ZNF124: variants seen among roughly 807,000 people sequenced by gnomAD.
The protein encoded by ZNF124 is zinc finger protein HZF-16.
In ZNF124, 25 loss-of-function variants were observed where a neutral mutation model predicts 26.6. The observed-to-expected ratio is 0.94, with a 90% CI of 0.68 to 1.31. The LOEUF is 1.31. Ranked by LOEUF, ZNF124 falls within the 40% of genes most tolerant of loss-of-function variation. The pLI, the probability that ZNF124 is intolerant of heterozygous loss-of-function variation, is 0.00. For synonymous variants in ZNF124, 129 were observed against 133.3 expected, an observed-to-expected ratio of 0.97 and a Z score of 0.22; for missense variants, 444 against 422.2, an observed-to-expected ratio of 1.05 and a Z score of -0.45.
intron 3 of ZNF124, among the ~76,000 whole-genome samples, chr1:247,146,336 A>G (rs1429588537): frequency 6.6e-6 from 1 of 152,214 alleles, no homozygotes; most frequent in Non-Finnish European, 1.5e-5. Flanking sequence ...ATTTCCTTCT[A>G]GAATACATTA....
Position 247,157,005 on chromosome 1 carries a change from T to C in ZNF124, c.617A>G (p.Tyr206Cys), listed in dbSNP as rs1257797611. The C allele has an allele frequency of 3.1e-6, 5 of 1,613,946 alleles. No individual in the cohort carries two copies. Among genetic ancestry groups the C allele is most frequent in the East Asian group, 2.2e-5 (1 of 44,892 alleles). ...GGCTTTCCCACAGTGCTTACATTCA[T>C]AGGGTTTCTCTCCAGTATGAGTTCT... ...HERTHTGEKP[Y>C]ECKHCGKAFR... Residue 206 changes from tyrosine (Y) to cysteine (C), a missense_variant, in exon 4 of 4, where the codon TAT becomes TGT. By Grantham distance (194) the Tyr-to-Cys change is radical. Transcript: ENST00000543802.
At chr1:247,127,516 A>G (rs567179187) in intron 3 of ZNF124, among the ~76,000 whole-genome samples, 35 of 123,650 alleles carry the variant, frequency 2.8e-4, no homozygotes, top group African/African-American at 9.9e-4. Context: ...GAAGAAGTAA[A>G]AACTAAAAGG....
In ZNF124 at chr1:247,157,129, G is replaced by A. The variant is rs762026758; in HGVS notation, c.493C>T (p.Leu165Phe). ...GTGTGAATCCTTTTATGTCTATTAAGAGAACGGGAAAAACCTAAGGCTTTC... is the reference window on the plus strand; with the variant it reads ...GTGTGAATCCTTTTATGTCTATTAAAAGAACGGGAAAAACCTAAGGCTTTC... ...CGKALGFSRSLNRHKRIHTGE... is the reference protein window; with the variant it reads ...CGKALGFSRSFNRHKRIHTGE... Residue 165 changes from leucine to phenylalanine, a missense_variant, in exon 4 of 4, where the codon CTT becomes TTT. Coordinates refer to ENST00000543802, the MANE Select transcript of ZNF124 (RefSeq NM_001297568.2). 5 of 1,613,948 alleles carry A rather than the reference G, an allele frequency of 3.1e-6. No individual in the cohort carries two copies. In the East Asian group the frequency reaches 8.9e-5, roughly 29 times the overall value.
rs556363802 is a variant in ZNF124 at position 247,147,260 on chromosome 1, TC to T, written c.218+11745del. On this transcript the variant is annotated intron_variant, in intron 3 of 3. Transcript: ENST00000472531. The stretch of plus-strand genomic sequence containing the variant: ...TTTTTTTTTTGAGTCGGGGTCTTGC[TC>T]TGTTGCCCAGGCTGGAGTCCAGTGG... Among the ~76,000 whole-genome samples, 1,364 of 149,834 alleles carry T rather than the reference TC, an allele frequency of 9.1e-3. 16 individuals are homozygous for T. Among genetic ancestry groups the T allele is most frequent in the Non-Finnish European group, 0.013 (909 of 67,580 alleles).
chr1:247,126,297 G>T (rs2103097599), intron 3 of ZNF124, among the ~76,000 whole-genome samples: 1 of 112,348 alleles, frequency 8.9e-6, no homozygotes, highest in East Asian at 2.4e-4. Flanking sequence ...ACACGCGCGG[G>T]AGCTGTCACC....
At chr1:247,132,751 C>A (rs757080246) in intron 3 of ZNF124, among the ~76,000 whole-genome samples, 1 of 152,208 alleles carries the variant, frequency 6.6e-6, no homozygotes, top group African/African-American at 2.4e-5. Flanking sequence ...TAGAAAAGCA[C>A]TGTGAAAATC....
At chr1:247,134,713 G>T (rs1054481711) in intron 3 of ZNF124, among the ~76,000 whole-genome samples, 4 of 152,124 alleles carry the variant, frequency 2.6e-5, no homozygotes, top group African/African-American at 4.8e-5. Flanking sequence ...AATTAGCAAG[G>T]ATATCCAGGA....
intron 1 of ZNF124, among the ~76,000 whole-genome samples, chr1:247,161,605 TAAAAG>T (rs553790421): frequency 6.4e-4 from 97 of 150,810 alleles, no homozygotes; most frequent in African/African-American, 2.2e-3. Flanking sequence ...ACATGCAATA[TAAAAG>T]AAATTAGTGT....
rs1673075265 is a variant in ZNF124, at chr1:247,155,512, TAAAAA to T, written c.*1049_*1053del. Among the ~76,000 whole-genome samples, 1 of 152,150 alleles carries T rather than the reference TAAAAA, an allele frequency of 6.6e-6. No homozygotes were observed. Among genetic ancestry groups the T allele is most frequent in the Admixed American group, 6.5e-5 (1 of 15,278 alleles). On this transcript the variant is annotated 3_prime_UTR_variant, in exon 4 of 4. Transcript: ENST00000543802. Reference sequence around the variant, plus strand: ...GAAAAAGGAAATTTATTTACCAGCTTAAAAAAGAAGAATACATATTTAACTCTTGT... The same window carrying T: ...GAAAAAGGAAATTTATTTACCAGCTTAGAAGAATACATATTTAACTCTTGT...
At position 247,157,217 on chromosome 1, in the gene ZNF124, A is replaced by T. The variant is rs1018377675; in HGVS notation, c.405T>A (p.Ser135Arg). Residue 135 changes from serine (S) to arginine (R), a missense_variant, in exon 4 of 4, where the codon AGT (serine) becomes AGA (arginine). Coordinates refer to ENST00000543802, the MANE Select transcript of ZNF124 (RefSeq NM_001297568.2). ...TICEKVFNIP[S>R]SFQIHQRNHT... ...GATTTCTCTGATGTATCTGAAATGA[A>T]CTGGGAATATTAAAAACTTTCTCAC... is the stretch of plus-strand genomic sequence containing the variant. The T allele has an allele frequency of 1.9e-6, 3 of 1,614,150 alleles. No homozygotes were observed. Among genetic ancestry groups the T allele is most frequent in the Non-Finnish European group, 2.5e-6 (3 of 1,179,960 alleles).
intron 3 of ZNF124, among the ~76,000 whole-genome samples, chr1:247,130,585 G>A (rs568081188): frequency 4.8e-4 from 73 of 152,252 alleles, no homozygotes; most frequent in African/African-American, 1.7e-3. Flanking sequence ...TGTTAACATC[G>A]AAATAATTTC....
Position 247,156,114 on chromosome 1 carries a change from A to G in ZNF124, c.*452T>C, listed in dbSNP as rs1006897337. The G allele has an allele frequency of 1.0e-5, 10 of 985,002 alleles. No individual in the cohort carries two copies. In the African/African-American group the frequency reaches 1.7e-4, roughly 17 times the overall value. 61.0% of individuals were successfully genotyped at this position (985,002 alleles called of 1,614,324 possible). A position where few individuals can be genotyped will look rare whatever the true frequency, so the allele number is the denominator to read the frequency against. On this transcript the variant is annotated 3_prime_UTR_variant, in exon 4 of 4. Transcript: ENST00000543802. ...TCACATGACCTTTAAAGTAATTGTTAAAATTCAGAATTTTCTGTATTTCTA... is the reference window on the plus strand; with the variant it reads ...TCACATGACCTTTAAAGTAATTGTTGAAATTCAGAATTTTCTGTATTTCTA...
chr1:247,149,614 T>C (rs959112853), intron 3 of ZNF124, among the ~76,000 whole-genome samples: 5 of 152,202 alleles, frequency 3.3e-5, no homozygotes, highest in African/African-American at 9.6e-5. Flanking sequence ...ATCTTACTTA[T>C]AGATGGAGCT....
rs1291869978 is a variant in ZNF124, at chr1:247,155,365, A to T, written c.*1201T>A. 2.0e-5 allele frequency among the ~76,000 whole-genome samples: 3 copies of T among 151,834 alleles called. No homozygotes were observed. The highest frequency in any genetic ancestry group is 3.8e-4 in the East Asian group (2 of 5,204). Reference sequence around the variant, plus strand: ...GTGTAACCCACAAAATTTTTAAAAAATTTTAAAAATATTTTATACTTTAAA... The same window carrying T: ...GTGTAACCCACAAAATTTTTAAAAATTTTTAAAAATATTTTATACTTTAAA... On this transcript the variant is annotated 3_prime_UTR_variant, in exon 4 of 4. Coordinates refer to ENST00000543802, the MANE Select transcript of ZNF124 (RefSeq NM_001297568.2).
chr1:247,167,156 C>T (rs998268790), intron 1 of ZNF124, among the ~76,000 whole-genome samples: 2 of 152,194 alleles, frequency 1.3e-5, no homozygotes, highest in African/African-American at 4.8e-5. Flanking sequence ...CCAGCACTAA[C>T]ATCACCATCA....
chr1:247,124,319 TAA>T (rs1460241790), intron 3 of ZNF124, among the ~76,000 whole-genome samples: 6 of 152,012 alleles, frequency 3.9e-5, no homozygotes, highest in African/African-American at 1.5e-4. Flanking sequence ...TTCTCCTGCC[TAA>T]GTCTCCTGCG....
At chr1:247,141,306 A>G (rs1402811693) in intron 3 of ZNF124, among the ~76,000 whole-genome samples, 1 of 151,254 alleles carries the variant, frequency 6.6e-6, no homozygotes, top group African/African-American at 2.4e-5. Flanking sequence ...CACTGCAGAC[A>G]GCGGTAGCAA....
In ZNF124 at chr1:247,127,736, C is replaced by T. The variant is rs548790818; in HGVS notation, c.219-3865G>A. Among the ~76,000 whole-genome samples the T allele has an allele frequency of 6.6e-4, 98 of 149,230 alleles. 2 individuals carry two copies. Among genetic ancestry groups the T allele is most frequent in the Non-Finnish European group, 1.1e-3 (71 of 66,862 alleles). Reference sequence around the variant, plus strand: ...CCCCTGCTTGCTCAATCGATCACGACCCTCTCACGCGGACCCCCTTAGAGC... The same window carrying T: ...CCCCTGCTTGCTCAATCGATCACGATCCTCTCACGCGGACCCCCTTAGAGC... On this transcript the variant is annotated intron_variant, in intron 3 of 3. Transcript: ENST00000472531.
At chr1:247,154,687 A>C (rs887495541), downstream of ZNF124, among the ~76,000 whole-genome samples, 19 of 152,308 alleles carry the variant, frequency 1.2e-4, no homozygotes, top group African/African-American at 4.6e-4. Flanking sequence ...CCAAAAAAGC[A>C]ATGTTGTTTT....
Sources: gnomAD v4.1 joint callset for allele counts (sites outside exome capture counted in the v4.1 genomes callset) on GRCh38, gnomAD v4.1.1 for gene constraint, MANE v1.5 for transcripts, NCBI Gene and HGNC (gene_info 2026-07-23, HGNC 2026-07-21) for gene names.